MAPK8IP3: variants seen among roughly 807,000 people sequenced by gnomAD.
MAPK8IP3 encodes the protein mitogen-activated protein kinase 8 interacting protein 3.
In MAPK8IP3, 49 loss-of-function variants were observed where a neutral mutation model predicts 157.8. That is an observed-to-expected ratio of 0.31 (90% CI 0.25 to 0.39). The LOEUF (loss-of-function observed/expected upper bound fraction) is 0.39. Ranked by LOEUF, MAPK8IP3 falls within the 10% of genes least tolerant of loss-of-function variation. The probability of loss-of-function intolerance (pLI) is 1.00; values close to 1 mark genes in which losing one functional copy is unlikely to be tolerated. For synonymous variants in MAPK8IP3, 897 were observed against 777.7 expected, an observed-to-expected ratio of 1.15 and a Z score of -2.55; for missense variants, 1,478 against 1,889.4, an observed-to-expected ratio of 0.78 and a Z score of 4.04.
intron 1 of MAPK8IP3, among the ~76,000 whole-genome samples, chr16:1,709,431 C>T (rs1306171504): frequency 1.3e-5 from 2 of 152,254 alleles, no homozygotes. Context: ...ATCTCAAGAT[C>T]CAAGCACCAT....
chr16:1,753,327 C>T (rs974473791), intron 8 of MAPK8IP3, among the ~76,000 whole-genome samples: 8 of 152,150 alleles, frequency 5.3e-5, no homozygotes, highest in Admixed American at 2.6e-4. Flanking sequence ...GCTGTGTTGC[C>T]AGGGCTGGTC....
At chr16:1,758,916 C>T in intron 9 of MAPK8IP3, 62 bp from the exon 10 acceptor site, 1 of 1,583,038 alleles carries the variant, frequency 6.3e-7, no homozygotes, top group Non-Finnish European at 8.7e-7. Context: ...CTCTTCTCTC[C>T]CTTTCTCCCT....
chr16:1,729,288 G>C (rs1426881600), intron 3 of MAPK8IP3, 80 bp downstream of exon 3: 2 of 1,505,582 alleles, frequency 1.3e-6, no homozygotes, highest in East Asian at 2.3e-5. Context: ...TGCGGACCGT[G>C]GTTTTCTTCC....
Position 1,767,790 on chromosome 16 carries a change from C to T in MAPK8IP3, c.3410-15C>T, listed in dbSNP as rs373396238. 2.0e-5 allele frequency: 33 copies of T among 1,611,316 alleles called. No individual in the cohort carries two copies. The highest frequency in any genetic ancestry group is 1.6e-4 in the East Asian group (7 of 44,856). Reference sequence around the variant, plus strand: ...GGTGCTCAAGGCCAGCCACCCTGACCGCTCTCCCCCACAGGCACTGGCAAG... The same window carrying T: ...GGTGCTCAAGGCCAGCCACCCTGACTGCTCTCCCCCACAGGCACTGGCAAG... On this transcript the variant is annotated splice_polypyrimidine_tract_variant and intron_variant, in intron 27 of 31. Transcript: ENST00000610761.
chr16:1,709,767 C>T (rs1253573839), intron 1 of MAPK8IP3, among the ~76,000 whole-genome samples: 2 of 152,248 alleles, frequency 1.3e-5, no homozygotes, highest in Non-Finnish European at 2.9e-5. Context: ...GCCGGGCTTA[C>T]CCGGGCAGCA....
intron 5 of MAPK8IP3, chr16:1,744,517 G>GGA: frequency 1.0e-6 from 1 of 985,618 alleles, no homozygotes; most frequent in Non-Finnish European, 1.2e-6. Flanking sequence ...GCTCAGGGCT[G>GGA]GAGAGAGGGT....
Position 1,743,803 on chromosome 16 carries a change from A to C in MAPK8IP3, c.747+327A>C. 1 of 1,221,308 alleles carries C rather than the reference A, an allele frequency of 8.2e-7. No individual in the cohort carries two copies. The highest frequency in any genetic ancestry group is 1.0e-6 in the Non-Finnish European group (1 of 977,302). 75.7% of individuals were successfully genotyped at this position (1,221,308 alleles called of 1,614,324 possible). ...GTTGAGCTTAGTGATCCTCTCTCAA[A>C]CCACACCCCCACATAAAGCCTCATG... On this transcript the variant is annotated intron_variant, in intron 5 of 31. Transcript: ENST00000610761. The surrounding 1 kb of genome is among the most constrained non-coding windows in gnomAD (Gnocchi z 5.6).
intron 1 of MAPK8IP3, among the ~76,000 whole-genome samples, chr16:1,716,728 A>G (rs2038173988): frequency 6.6e-6 from 1 of 152,026 alleles, no homozygotes; most frequent in Admixed American, 6.5e-5. Flanking sequence ...AGCCTGGCCA[A>G]CATGGCGAAA....
At position 1,766,156 on chromosome 16, in the gene MAPK8IP3, G is replaced by A. The variant is rs371574507; in HGVS notation, c.2629+14G>A. 8.1e-6 allele frequency: 13 copies of A among 1,603,630 alleles called. No homozygotes were observed. The highest frequency in any genetic ancestry group is 1.7e-5 in the Admixed American group (1 of 59,824). On this transcript the variant is annotated intron_variant, in intron 21 of 31. Coordinates refer to ENST00000610761, the MANE Select transcript of MAPK8IP3 (RefSeq NM_001318852.2). ...ACAAGGGGCAGGGTGAGTCCTGGGC[G>A]AGTTTCCCCCATCCCCTCATTCCCA...
chr16:1,761,273 G>A lies in MAPK8IP3; in HGVS notation c.1507G>A (p.Glu503Lys), dbSNP rs2041919112. 2 of 1,613,654 alleles carry A rather than the reference G, an allele frequency of 1.2e-6. No homozygotes were observed. The highest frequency in any genetic ancestry group is 1.3e-5 in the African/African-American group (1 of 74,942). The change falls in exon 13 of 32, where the codon GAG becomes AAG. Residue 503 changes from glutamate to lysine, a missense_variant. Glu to Lys is a moderately conservative substitution (Grantham distance 56, BLOSUM62 1). Around this residue, in one of 11 missense-constraint regions of MAPK8IP3, gnomAD observed 96 missense variants for 106.3 expected, o/e 0.90. Transcript: ENST00000610761. ...CCGCCGTGAACCCAAAGAAGAGGCG[G>A]AGGATGTAAGCAGCTATCTCTGTAC... Reference protein sequence around the residue: ...IARREPKEEAEDVSSYLCTES... With the variant: ...IARREPKEEAKDVSSYLCTES...
intron 5 of MAPK8IP3, chr16:1,746,751 G>T (rs2040986040): frequency 2.1e-6 from 1 of 483,372 alleles, no homozygotes; most frequent in Non-Finnish European, 3.7e-6. Context: ...GCAATCGTCT[G>T]GGGAGGGCAC....
chr16:1,713,144 G>T (rs1017152199), intron 1 of MAPK8IP3, among the ~76,000 whole-genome samples: 1 of 152,256 alleles, frequency 6.6e-6, no homozygotes, highest in Admixed American at 6.5e-5. Context: ...GTTCTGGGAT[G>T]ATGGAAATGT....
At chr16:1,729,108 T>G in intron 2 of MAPK8IP3, 30 bp from the exon 3 acceptor site, 4 of 1,605,390 alleles carry the variant, frequency 2.5e-6, no homozygotes, top group Non-Finnish European at 3.4e-6. Flanking sequence ...AAGCGTCTTG[T>G]GCGGCTCAGA....
In MAPK8IP3 at chr16:1,743,263, G is replaced by A; in HGVS notation, c.603-69G>A. ...CATCACTCGAGGTCTGCTTGCCCTGGGAGGGCTTGGGAAATCTTCACGGCC... is the reference window on the plus strand; with the variant it reads ...CATCACTCGAGGTCTGCTTGCCCTGAGAGGGCTTGGGAAATCTTCACGGCC... On this transcript the variant is annotated intron_variant, in intron 4 of 31. Transcript: ENST00000610761. The surrounding 1 kb of genome is among the most constrained non-coding windows in gnomAD (Gnocchi z 5.6). 6.8e-7 allele frequency: 1 copy of A among 1,466,748 alleles called. No individual in the cohort carries two copies. The allele number at this position is 1,466,748 out of a possible 1,614,324, so 90.9% of individuals were successfully genotyped here.
intron 13 of MAPK8IP3, among the ~76,000 whole-genome samples, chr16:1,761,809 G>A (rs1288083507): frequency 6.6e-6 from 1 of 151,726 alleles, no homozygotes; most frequent in Non-Finnish European, 1.5e-5. Context: ...TCACACGCTG[G>A]GCGGCCACCA....
intron 1 of MAPK8IP3, among the ~76,000 whole-genome samples, chr16:1,711,318 T>G (rs8059926): frequency 0.6 from 90,219 of 151,502 alleles, 29,321 homozygotes; most frequent in African/African-American, 0.85. Context: ...TCTGCTCTTA[T>G]TGACCTTGAC....
Position 1,748,130 on chromosome 16 carries a change from C to T in MAPK8IP3, c.995-114C>T, listed in dbSNP as rs1720909073. 1.5e-5 allele frequency: 11 copies of T among 746,502 alleles called. No homozygotes were observed. The Admixed American group carries it at 2.0e-4, about 13-fold the overall frequency. The allele number at this position is 746,502 out of a possible 1,614,324, so 46.2% of individuals were successfully genotyped here. A position where few individuals can be genotyped will look rare whatever the true frequency, so the allele number is the denominator to read the frequency against. Reference sequence around the variant, plus strand: ...AGAGCTGTTTTCTGATCATCCCCACCTAGCAGGTGGTCCAGCTCCAGCCCA... The same window carrying T: ...AGAGCTGTTTTCTGATCATCCCCACTTAGCAGGTGGTCCAGCTCCAGCCCA... On this transcript the variant is annotated intron_variant, in intron 6 of 31. Transcript: ENST00000610761.
At chr16:1,717,195 C>T (rs1331318237) in intron 1 of MAPK8IP3, among the ~76,000 whole-genome samples, 4 of 144,828 alleles carry the variant, frequency 2.8e-5, no homozygotes, top group East Asian at 4.1e-4. Flanking sequence ...AAGATCGTGC[C>T]ACTGCATTCC....
At chr16:1,738,039 CGT>C (rs543242762) in intron 4 of MAPK8IP3, among the ~76,000 whole-genome samples, 10 of 60,380 alleles carry the variant, frequency 1.7e-4, no homozygotes, top group African/African-American at 3.4e-4. Context: ...TCCGTGTGAG[CGT>C]GTGACCGTCC....
Sources: gnomAD v4.1 joint callset for allele counts (sites outside exome capture counted in the v4.1 genomes callset) on GRCh38, gnomAD v4.1.1 for gene constraint, gnomAD v4.1.1 regional missense constraint, Gnocchi (gnomAD v3.1) non-coding constraint, MANE v1.5 for transcripts, NCBI Gene and HGNC (gene_info 2026-07-23, HGNC 2026-07-21) for gene names.